CLSTN2: variants seen among roughly 807,000 people sequenced by gnomAD.
CLSTN2 encodes the protein calsyntenin-2.
Under a neutral mutation model 101.2 loss-of-function variants are expected in CLSTN2, and 48 were observed. That is an observed-to-expected ratio of 0.47 (90% CI 0.38 to 0.60). The LOEUF is 0.60. Ranked by LOEUF, CLSTN2 falls within the 20% of genes least tolerant of loss-of-function variation. The pLI is 0.00. For missense variants in CLSTN2, 1,160 were observed against 1,238.2 expected (o/e 0.94, Z 0.95); for synonymous variants, 481 against 463.6 (o/e 1.04, Z -0.48).
intron 2 of CLSTN2, among the ~76,000 whole-genome samples, chr3:140,389,192 A>G (rs986276689): frequency 2.0e-5 from 3 of 152,212 alleles, no homozygotes; most frequent in Admixed American, 6.5e-5. Context: ...TTTGTTACAT[A>G]GGTAAACATG....
rs566410122 is a variant in CLSTN2, at chr3:140,020,857, ACT to A, written c.109+85377_109+85378del. 9.8e-4 allele frequency among the ~76,000 whole-genome samples: 149 copies of A among 152,112 alleles called. 2 individuals carry two copies. Among genetic ancestry groups the A allele is most frequent in the African/African-American group, 3.4e-3 (142 of 41,458 alleles). On this transcript the variant is annotated intron_variant, in intron 1 of 16. Coordinates refer to ENST00000458420, the MANE Select transcript of CLSTN2 (RefSeq NM_022131.3). ...GCTGATCAATCATTGCACGACATAG[ACT>A]CTTTTAATAGGCACAATTTACACAG...
At chr3:140,492,999 T>A (rs920080559) in intron 8 of CLSTN2, among the ~76,000 whole-genome samples, 8 of 151,978 alleles carry the variant, frequency 5.3e-5, no homozygotes, top group Admixed American at 4.6e-4. Context: ...TTGGAATTGT[T>A]ACAATCAACC....
intron 1 of CLSTN2, among the ~76,000 whole-genome samples, chr3:140,024,721 G>A (rs2007383902): frequency 6.6e-6 from 1 of 152,206 alleles, no homozygotes; most frequent in Non-Finnish European, 1.5e-5. Flanking sequence ...GGACTTAGGT[G>A]AAGGTCCAAA....
chr3:139,968,667 A>G (rs1299674418), intron 1 of CLSTN2, among the ~76,000 whole-genome samples: 1 of 152,240 alleles, frequency 6.6e-6, no homozygotes, highest in Non-Finnish European at 1.5e-5. Flanking sequence ...GTATTCTGTT[A>G]CAGAAGCACA....
chr3:140,040,458 G>A (rs1362776599), intron 1 of CLSTN2, among the ~76,000 whole-genome samples: 1 of 152,002 alleles, frequency 6.6e-6, no homozygotes, highest in Non-Finnish European at 1.5e-5. Context: ...TTATGGAGAG[G>A]AGCAGATTCC....
chr3:140,065,853 A>G (rs904527827), intron 1 of CLSTN2, among the ~76,000 whole-genome samples: 3 of 152,176 alleles, frequency 2.0e-5, no homozygotes, highest in East Asian at 1.9e-4. Flanking sequence ...TTAAGCCTCA[A>G]TGGGCTACTT....
chr3:140,563,958 C>T lies in CLSTN2; in HGVS notation c.2483-3C>T, dbSNP rs1459155657. ...TGTCATGCGAGTTTTTTCCTTGTTCCAGTGGTCCCAAGCATTGCCACAGTG... is the reference window on the plus strand; with the variant it reads ...TGTCATGCGAGTTTTTTCCTTGTTCTAGTGGTCCCAAGCATTGCCACAGTG... On this transcript the variant is annotated splice_polypyrimidine_tract_variant and splice_region_variant and intron_variant, in intron 15 of 16. Transcript: ENST00000458420. 2 of 1,612,686 alleles carry T rather than the reference C, an allele frequency of 1.2e-6. No homozygotes were observed. The highest frequency in any genetic ancestry group is 2.2e-5 in the South Asian group (2 of 90,902).
intron 2 of CLSTN2, among the ~76,000 whole-genome samples, chr3:140,292,761 G>A (rs1275006348): frequency 1.3e-5 from 2 of 152,192 alleles, no homozygotes; most frequent in Non-Finnish European, 2.9e-5. Flanking sequence ...TAGCCGTCAT[G>A]GGGCTGCTGG....
chr3:139,978,764 C>G (rs1426039), intron 1 of CLSTN2, among the ~76,000 whole-genome samples: 112,362 of 151,096 alleles, frequency 0.74, 44,641 homozygotes, highest in East Asian at 0.87. Flanking sequence ...AAAGTCAATA[C>G]CTAATGCCAA....
chr3:140,148,872 C>G (rs2009820227), intron 1 of CLSTN2, among the ~76,000 whole-genome samples: 1 of 152,104 alleles, frequency 6.6e-6, no homozygotes, highest in African/African-American at 2.4e-5. Flanking sequence ...TGCAATGGCA[C>G]TGGGACTCCA....
intron 2 of CLSTN2, among the ~76,000 whole-genome samples, chr3:140,352,519 T>C (rs548692025): frequency 2.0e-5 from 3 of 152,352 alleles, no homozygotes; most frequent in Admixed American, 6.5e-5. Context: ...ACAATTACCT[T>C]GTAAACAAGG....
At chr3:140,558,535 C>A in intron 11 of CLSTN2, 105 bp from the exon 12 acceptor site, 1 of 820,052 alleles carries the variant, frequency 1.2e-6, no homozygotes, top group South Asian at 1.7e-5. Context: ...TACGCAGTCA[C>A]GATGCCTTGT....
At chr3:139,963,997 A>C (rs1935552995) in intron 1 of CLSTN2, among the ~76,000 whole-genome samples, 1 of 152,094 alleles carries the variant, frequency 6.6e-6, no homozygotes, top group Admixed American at 6.5e-5. Flanking sequence ...TCTCTCTATT[A>C]ACTTCACCTT....
intron 1 of CLSTN2, among the ~76,000 whole-genome samples, chr3:140,102,831 C>A (rs1190842253): frequency 2.6e-5 from 4 of 152,134 alleles, no homozygotes; most frequent in Non-Finnish European, 5.9e-5. Flanking sequence ...TCAGACAGGT[C>A]AAGAGGTCCA....
At chr3:140,485,352 G>A (rs113583634) in intron 8 of CLSTN2, among the ~76,000 whole-genome samples, 3 of 152,356 alleles carry the variant, frequency 2.0e-5, no homozygotes, top group South Asian at 2.1e-4. Flanking sequence ...CGTGTGAGGT[G>A]TCAGTCGGCC....
chr3:139,962,197 T>G (rs572513171), intron 1 of CLSTN2, among the ~76,000 whole-genome samples: 6 of 152,330 alleles, frequency 3.9e-5, no homozygotes, highest in South Asian at 2.1e-4. Context: ...ATCACCAAAC[T>G]GCTTTTCAAG....
intron 15 of CLSTN2, 63 bp downstream of exon 15, chr3:140,563,266 A>G: frequency 6.4e-7 from 1 of 1,563,532 alleles, no homozygotes; most frequent in Non-Finnish European, 8.7e-7. Flanking sequence ...AAGATTATCT[A>G]CTCAACAGAC....
intron 2 of CLSTN2, among the ~76,000 whole-genome samples, chr3:140,221,500 A>T (rs2086273076): frequency 1.3e-5 from 2 of 152,184 alleles, no homozygotes; most frequent in South Asian, 4.1e-4. Flanking sequence ...CAATAGTGGC[A>T]GTTAACACTT....
chr3:140,095,606 A>G (rs2008856588), intron 1 of CLSTN2, among the ~76,000 whole-genome samples: 1 of 152,292 alleles, frequency 6.6e-6, no homozygotes, highest in South Asian at 2.1e-4. Flanking sequence ...TGGCATAACT[A>G]CTATTATTCT....
Sources: allele counts gnomAD v4.1 joint callset (sites outside exome capture counted in the v4.1 genomes callset), GRCh38; gene constraint gnomAD v4.1.1; transcripts MANE v1.5; gene names NCBI Gene and HGNC (gene_info 2026-07-23, HGNC 2026-07-21).